ADGRD2: variants seen among roughly 807,000 people sequenced by gnomAD.
The protein encoded by ADGRD2 is G protein-coupled receptor PGR24.
ADGRD2 carries 71 observed loss-of-function variants against 44.4 expected under a neutral mutation model. The ratio of observed to expected loss-of-function variants is 1.60; its 90% CI spans 1.32 to 1.95. ADGRD2 has a LOEUF of 1.95. Ranked by LOEUF, ADGRD2 falls within the 30% of genes most tolerant of loss-of-function variation. The probability of loss-of-function intolerance (pLI) is 0.00; values close to 1 mark genes in which losing one functional copy is unlikely to be tolerated. For missense variants in ADGRD2, 1,039 were observed against 512.4 expected (o/e 2.03, Z -9.92); for synonymous variants, 481 against 224.8 (o/e 2.14, Z -10.19).
exon 15 of ADGRD2, chr9:124,469,330 T>C (rs1831897351): frequency 1.4e-6 from 1 of 718,178 alleles, no homozygotes; most frequent in Non-Finnish European, 2.6e-6. Context: ...TGGGCCTTCG[T>C]GGGGCCTGTG....
intron 11 of ADGRD2, chr9:124,467,373 G>T (rs115325187): frequency 5.2e-6 from 1 of 194,152 alleles, no homozygotes. Flanking sequence ...AAGTCAGAGC[G>T]TGGACACTTT....
chr9:124,451,997 G>GCCGGGGGGGGGGCCCCC, upstream of ADGRD2: 1 of 360,938 alleles, frequency 2.8e-6, no homozygotes, highest in Non-Finnish European at 5.5e-6. Context: ...TCCACTGAAT[G>GCCGGGGGGGGGGCCCCC]CCCCCCTCCC....
chr9:124,452,547 T>C (rs996064230), exon 2 of ADGRD2: 1 of 718,342 alleles, frequency 1.4e-6, no homozygotes, highest in African/African-American at 1.7e-5. Context: ...AGACTGCAGG[T>C]GGGGTGTGCA....
chr9:124,458,978 C>T (rs1831673384), intron 10 of ADGRD2, among the ~76,000 whole-genome samples: 1 of 152,214 alleles, frequency 6.6e-6, no homozygotes, highest in Admixed American at 6.5e-5. Context: ...CTTGGGAGGG[C>T]TGACGTGATT....
chr9:124,475,866 C>T (rs913342134), intron 19 of ADGRD2, among the ~76,000 whole-genome samples: 2 of 152,286 alleles, frequency 1.3e-5, no homozygotes, highest in Admixed American at 6.5e-5. Context: ...CCCCAGCACT[C>T]AGGCAGAGCT....
intron 10 of ADGRD2, among the ~76,000 whole-genome samples, chr9:124,463,152 A>C (rs1831752500): frequency 6.6e-6 from 1 of 152,190 alleles, no homozygotes; most frequent in South Asian, 2.1e-4. Flanking sequence ...TGTCCATCAA[A>C]TCAAGTTCCC....
intron 11 of ADGRD2, 185 bp downstream of exon 14, chr9:124,466,598 C>G (rs1049261142): frequency 7.0e-6 from 3 of 426,166 alleles, no homozygotes; most frequent in African/African-American, 6.1e-5. Flanking sequence ...TCACTTGAGC[C>G]CAGGAGTTCA....
chr9:124,451,580 G>C, upstream of ADGRD2: 1 of 284,228 alleles, frequency 3.5e-6, no homozygotes, highest in South Asian at 3.4e-5. Flanking sequence ...AGGATGCCCA[G>C]CTGCTTTCCT....
intron 14 of ADGRD2, 80 bp downstream of exon 17, chr9:124,468,752 A>C (rs1031136967): frequency 3.1e-6 from 2 of 650,160 alleles, no homozygotes; most frequent in Non-Finnish European, 5.6e-6. Flanking sequence ...ACATGGCCCC[A>C]CACCCAGCAC....
At chr9:124,453,703 C>T in intron 3 of ADGRD2, 27 bp downstream of exon 6, 1 of 681,366 alleles carries the variant, frequency 1.5e-6, no homozygotes, top group Non-Finnish European at 2.7e-6. Context: ...CCCGGCCCCA[C>T]CCCATGGCCC....
At position 124,466,425 on chromosome 9, in the gene ADGRD2, G is replaced by A. The variant is rs745401799; in HGVS notation, c.2026+12G>A. Reference sequence around the variant, plus strand: ...TCTATGAAGTACAGGTGAGTGCACGGTGGGAGGGGGGTGTCAGGAGGGGGC... The same window carrying A: ...TCTATGAAGTACAGGTGAGTGCACGATGGGAGGGGGGTGTCAGGAGGGGGC... On this transcript the variant is annotated intron_variant, in intron 11 of 21. Coordinates refer to ENST00000334810, the Ensembl canonical transcript of ADGRD2. The A allele has an allele frequency of 4.4e-6, 3 of 683,346 alleles. No homozygotes were observed. In the African/African-American group the frequency reaches 5.3e-5, roughly 12 times the overall value. 42.3% of individuals were successfully genotyped at this position (683,346 alleles called of 1,614,324 possible). A position where few individuals can be genotyped will look rare whatever the true frequency, so the allele number is the denominator to read the frequency against.
exon 17 of ADGRD2, chr9:124,470,614 G>C (rs1369006877): frequency 4.3e-6 from 3 of 704,702 alleles, no homozygotes; most frequent in South Asian, 1.5e-5. Context: ...ACTCCATCCA[G>C]GTACCTCCAG....
At chr9:124,461,663 A>G (rs1831723550) in intron 10 of ADGRD2, among the ~76,000 whole-genome samples, 1 of 150,076 alleles carries the variant, frequency 6.7e-6, no homozygotes. Context: ...TTAATTTCTT[A>G]CTGTCCTGAT....
chr9:124,452,048 G>A (rs938037553), upstream of ADGRD2: 1 of 587,676 alleles, frequency 1.7e-6, no homozygotes. Flanking sequence ...GCAAGTGTGA[G>A]GGGAGGGTTG....
rs1292111913 is a variant in ADGRD2 at position 124,454,158 on chromosome 9, A to C, written c.1022+61A>C. 1.6e-6 allele frequency: 1 copy of C among 619,400 alleles called. No individual in the cohort carries two copies. The highest frequency in any genetic ancestry group is 2.9e-6 in the Non-Finnish European group (1 of 341,330). 38.4% of individuals were successfully genotyped at this position (619,400 alleles called of 1,614,324 possible). A position where few individuals can be genotyped will look rare whatever the true frequency, so the allele number is the denominator to read the frequency against. ...GGAAAGCCGGTGTGGACCGGAGTAG[A>C]CTGAGAGGGGGTGAGCTGCTGGCAA... On this transcript the variant is annotated intron_variant, in intron 4 of 21. Coordinates refer to ENST00000334810, the Ensembl canonical transcript of ADGRD2. The surrounding 1 kb of genome is among the most constrained non-coding windows in gnomAD (Gnocchi z 4.5).
intron 10 of ADGRD2, among the ~76,000 whole-genome samples, chr9:124,459,506 A>AG (rs1831686417): frequency 1.3e-5 from 2 of 152,042 alleles, no homozygotes; most frequent in Admixed American, 1.3e-4. Flanking sequence ...AAAAAAAAAA[A>AG]AGTTTTGTAG....
At chr9:124,458,509 C>G (rs1005235521) in intron 9 of ADGRD2, 107 bp from the exon 13 acceptor site, 1 of 648,644 alleles carries the variant, frequency 1.5e-6, no homozygotes, top group Non-Finnish European at 2.9e-6. Flanking sequence ...GATATCCCTT[C>G]GGACACAGAG....
chr9:124,451,999 C>CCGGGGG, upstream of ADGRD2: 1 of 340,010 alleles, frequency 2.9e-6, no homozygotes, highest in Non-Finnish European at 5.8e-6. Context: ...CACTGAATGC[C>CCGGGGG]CCCCTCCCAC....
At chr9:124,474,276 CAA>C (rs397947760) in intron 17 of ADGRD2, among the ~76,000 whole-genome samples, 1,145 of 80,594 alleles carry the variant, frequency 0.014, 20 homozygotes, top group African/African-American at 0.052. Context: ...AACTCTGTCT[CAA>C]AAAAAAAAAA....
Sources: allele counts gnomAD v4.1 joint callset (sites outside exome capture counted in the v4.1 genomes callset), GRCh38; gene constraint gnomAD v4.1.1; non-coding constraint Gnocchi (gnomAD v3.1); transcripts MANE v1.5; gene names NCBI Gene and HGNC (gene_info 2026-07-23, HGNC 2026-07-21).